Variants in TRMT44 observed in about 807,000 individuals in gnomAD.
The protein encoded by TRMT44 is tRNA methyltransferase 44 homolog.
Under a neutral mutation model 77.3 loss-of-function variants are expected in TRMT44, and 78 were observed. The observed-to-expected ratio is 1.01, with a 90% CI of 0.84 to 1.22. The LOEUF (loss-of-function observed/expected upper bound fraction) is 1.22, where lower values mean the gene tolerates loss of function less well. Among genes scored for constraint, TRMT44 ranks in the 50% most tolerant of loss-of-function variants. The pLI is 0.00. For synonymous variants in TRMT44, 391 were observed against 383.3 expected, an observed-to-expected ratio of 1.02 and a Z score of -0.23; for missense variants, 1,090 against 964.4, an observed-to-expected ratio of 1.13 and a Z score of -1.73.
the TRMT44 span, among the ~76,000 whole-genome samples, chr4:8,514,349 A>G: frequency 7.0e-6 from 1 of 141,900 alleles, no homozygotes; most frequent in Non-Finnish European, 1.5e-5. Flanking sequence ...CTGCCTTCCC[A>G]TATTCGAGCC....
intron 2 of TRMT44, chr4:8,493,212 C>T (rs1728060689): frequency 1.3e-5 from 2 of 152,132 alleles, no homozygotes; most frequent in African/African-American, 4.8e-5. Context: ...GATTCTGAAC[C>T]TCCTTAAATT....
chr4:8,490,815 C>T (rs954800529), intron 2 of TRMT44, among the ~76,000 whole-genome samples: 2 of 152,204 alleles, frequency 1.3e-5, no homozygotes, highest in African/African-American at 4.8e-5. Context: ...CCACCCACAT[C>T]CTGCTGATTG....
At chr4:8,453,624 G>T in intron 5 of TRMT44, 1 of 152,482 alleles carries the variant, frequency 6.6e-6, no homozygotes, top group Non-Finnish European at 1.5e-5. Flanking sequence ...AGCACTCTTG[G>T]GCTGAGAGCG....
intron 10 of TRMT44, 42 bp downstream of exon 10, chr4:8,471,242 T>TC: frequency 1.5e-6 from 2 of 1,327,670 alleles, no homozygotes; most frequent in African/African-American, 1.5e-5. Context: ...TCCTTCTTTT[T>TC]CCCCCTTTTT....
chr4:8,492,947 TGTC>T (rs1299056886), intron 2 of TRMT44, among the ~76,000 whole-genome samples: 1 of 152,208 alleles, frequency 6.6e-6, no homozygotes, highest in African/African-American at 2.4e-5. Context: ...CTTGGGCACA[TGTC>T]GTCAGGACTT....
chr4:8,466,491 C>T (rs916525269), intron 8 of TRMT44, among the ~76,000 whole-genome samples: 3 of 152,248 alleles, frequency 2.0e-5, no homozygotes, highest in Non-Finnish European at 2.9e-5. Flanking sequence ...CCAGGAGCAG[C>T]GTTGGCTTGT....
the TRMT44 span, among the ~76,000 whole-genome samples, chr4:8,514,132 C>T: frequency 2.1e-4 from 32 of 152,110 alleles, no homozygotes; most frequent in East Asian, 3.9e-4. Context: ...GTGTTCCACA[C>T]GTGCAACAGA....
chr4:8,467,628 G>A (rs1001154752), intron 8 of TRMT44, among the ~76,000 whole-genome samples: 1 of 152,100 alleles, frequency 6.6e-6, no homozygotes, highest in Non-Finnish European at 1.5e-5. Context: ...CTACAGGTGA[G>A]GGCCACCACG....
Position 8,476,389 on chromosome 4 carries a change from C to CCTG in TRMT44, c.*388_*389insCTG. The CCTG allele has an allele frequency of 4.5e-6, 1 of 223,744 alleles. No homozygotes were observed. 13.9% of individuals were successfully genotyped at this position (223,744 alleles called of 1,614,324 possible). ...GTCCACATCTGTGAAGAGGATGGGGCTCCTCGAGAAGTAAGACCGTATCTG... is the reference window on the plus strand; with the variant it reads ...GTCCACATCTGTGAAGAGGATGGGGCCTGTCCTCGAGAAGTAAGACCGTATCTG... On this transcript the variant is annotated 3_prime_UTR_variant, in exon 11 of 11. Transcript: ENST00000389737.
At chr4:8,503,930 T>G in the TRMT44 span, among the ~76,000 whole-genome samples, 1 of 152,212 alleles carries the variant, frequency 6.6e-6, no homozygotes, top group Admixed American at 6.5e-5. Context: ...TGCCAAGGCT[T>G]GCAAACCTCA....
downstream of TRMT44, among the ~76,000 whole-genome samples, chr4:8,494,263 G>T (rs1374393210): frequency 6.6e-6 from 1 of 151,944 alleles, no homozygotes; most frequent in Non-Finnish European, 1.5e-5. Context: ...GAAATTCCTT[G>T]TGGGCCCCAA....
At position 8,444,530 on chromosome 4, in the gene TRMT44, T is replaced by G. The variant is rs1207267459; in HGVS notation, c.620-1946T>G. On this transcript the variant is annotated intron_variant, in intron 1 of 10. Coordinates refer to ENST00000389737, the MANE Select transcript of TRMT44 (RefSeq NM_152544.3). The surrounding 1 kb of genome is among the most constrained non-coding windows in gnomAD (Gnocchi z 4.0). ...CTCCTAACTTAGCCTCCCAAGCAGC[T>G]GGGATTACAGGCATGTGCCACGACG... Among the ~76,000 whole-genome samples, 3 of 152,034 alleles carry G rather than the reference T, an allele frequency of 2.0e-5. No individual in the cohort carries two copies. Among genetic ancestry groups the G allele is most frequent in the Non-Finnish European group, 2.9e-5 (2 of 68,002 alleles).
downstream of TRMT44, chr4:8,476,695 T>A (rs1727408630): frequency 6.6e-6 from 1 of 152,298 alleles, no homozygotes; most frequent in Non-Finnish European, 1.5e-5. Flanking sequence ...CCAGAAATAC[T>A]GCAGCAGTCC....
At position 8,465,426 on chromosome 4, in the gene TRMT44, C is replaced by T; in HGVS notation, c.1359C>T (p.Asp453=). Reference sequence around the variant, plus strand: ...TTGTCCTCCCCTGCTGCTTCTTTGACTTCATTGGAAGATACTCCCGGAGGC... The same window carrying T: ...TTGTCCTCCCCTGCTGCTTCTTTGATTTCATTGGAAGATACTCCCGGAGGC... ...RFFVLPCCFF[D]FIGRYSRRQS... is the part of the protein sequence containing the mutation. The change falls in exon 8 of 11, where the codon GAC becomes GAT. Residue 453 remains aspartate (D), a synonymous_variant. Coordinates refer to ENST00000389737, the MANE Select transcript of TRMT44 (RefSeq NM_152544.3). The T allele has an allele frequency of 1.2e-6, 2 of 1,613,928 alleles. No individual in the cohort carries two copies. The highest frequency in any genetic ancestry group is 1.7e-6 in the Non-Finnish European group (2 of 1,179,970).
downstream of TRMT44, among the ~76,000 whole-genome samples, chr4:8,496,817 G>A (rs1380905522): frequency 6.6e-6 from 1 of 151,314 alleles, no homozygotes; most frequent in Non-Finnish European, 1.5e-5. Context: ...AGCACGAAAT[G>A]GGGTTAAATT....
rs61733541 is a variant in TRMT44, at chr4:8,441,344, G to A, written c.522G>A (p.Glu174=). 7.6e-3 allele frequency: 11,741 copies of A among 1,535,236 alleles called. 65 individuals are homozygous for A. The highest frequency in any genetic ancestry group is 0.033 in the Middle Eastern group (198 of 5,986). ...LTSSGAGSQP[E]AQRELDVVLR... ...GCTCCGGGGCGGGATCGCAGCCAGAGGCGCAGCGTGAGCTCGACGTGGTTC... is the reference window on the plus strand; with the variant it reads ...GCTCCGGGGCGGGATCGCAGCCAGAAGCGCAGCGTGAGCTCGACGTGGTTC... Residue 174 remains glutamate, a synonymous_variant, in exon 1 of 11, where the codon GAG becomes GAA. Transcript: ENST00000389737.
chr4:8,499,285 C>T, the TRMT44 span, among the ~76,000 whole-genome samples: 2 of 152,114 alleles, frequency 1.3e-5, no homozygotes, highest in Non-Finnish European at 2.9e-5. Context: ...TCAGCCTGGG[C>T]CCCCTGCCCT....
At chr4:8,508,107 A>G in the TRMT44 span, among the ~76,000 whole-genome samples, 20 of 152,252 alleles carry the variant, frequency 1.3e-4, no homozygotes, top group African/African-American at 4.8e-4. Context: ...GGGTTTCACC[A>G]TGTTGGCCAG....
chr4:8,487,689 C>T (rs151205214), intron 2 of TRMT44, among the ~76,000 whole-genome samples: 1,919 of 151,578 alleles, frequency 0.013, 38 homozygotes, highest in African/African-American at 0.042. Flanking sequence ...TACCACTAAG[C>T]GTGAAGGAGA....
Sources: allele counts gnomAD v4.1 joint callset (sites outside exome capture counted in the v4.1 genomes callset), GRCh38; gene constraint gnomAD v4.1.1; non-coding constraint Gnocchi (gnomAD v3.1); transcripts MANE v1.5; gene names NCBI Gene and HGNC (gene_info 2026-07-23, HGNC 2026-07-21).